Variants in RTN4 observed in about 807,000 individuals in gnomAD.
RTN4 encodes the protein reticulon 4, also known as reticulon-4.
In RTN4, 32 loss-of-function variants were observed where a neutral mutation model predicts 90.4. The ratio of observed to expected loss-of-function variants is 0.35; its 90% CI spans 0.27 to 0.48. The LOEUF (loss-of-function observed/expected upper bound fraction) is 0.48. Among genes scored for constraint, RTN4 ranks in the 20% least tolerant of loss-of-function variants. The pLI, the probability that RTN4 is intolerant of heterozygous loss-of-function variation, is 0.99. For synonymous variants in RTN4, 629 were observed against 552.5 expected (o/e 1.14, Z -1.94); for missense variants, 1,706 against 1,430.2 (o/e 1.19, Z -3.11).
intron 1 of RTN4, among the ~76,000 whole-genome samples, chr2:55,048,612 A>G (rs1573475228): frequency 6.6e-6 from 1 of 151,948 alleles, no homozygotes; most frequent in African/African-American, 2.4e-5. Context: ...CTCCATTACA[A>G]CCTTATGGAG....
intron 2 of RTN4, among the ~76,000 whole-genome samples, chr2:55,063,114 C>G (rs976969780): frequency 6.6e-6 from 1 of 152,180 alleles, no homozygotes; most frequent in Non-Finnish European, 1.5e-5. Context: ...GAAAAATGAA[C>G]TATCATTTTT....
intron 1 of RTN4, among the ~76,000 whole-genome samples, chr2:55,081,973 C>T (rs957714929): frequency 6.6e-6 from 1 of 151,692 alleles, no homozygotes; most frequent in African/African-American, 2.4e-5. Context: ...GCCTTACATA[C>T]TTCTGCTTTT....
At chr2:54,979,482 G>T (rs1677945355) in intron 5 of RTN4, among the ~76,000 whole-genome samples, 1 of 152,146 alleles carries the variant, frequency 6.6e-6, no homozygotes. Context: ...AAAAAGCAAA[G>T]TGATTTTTAT....
intron 1 of RTN4, among the ~76,000 whole-genome samples, chr2:55,044,982 G>C (rs1683325185): frequency 1.3e-5 from 2 of 152,108 alleles, no homozygotes; most frequent in South Asian, 4.1e-4. Context: ...TGACTTTCTT[G>C]TGTTTAGAAG....
At chr2:55,053,686 CA>C (rs1379336082), upstream of RTN4, among the ~76,000 whole-genome samples, 3 of 87,648 alleles carry the variant, frequency 3.4e-5, no homozygotes, top group South Asian at 9.5e-4. Flanking sequence ...AACTCCATCT[CA>C]AAAAAAAACA....
In RTN4 at chr2:55,027,097, T is replaced by C. The variant is rs1263108164; in HGVS notation, c.1002A>G (p.Leu334=). 4 of 1,613,268 alleles carry C rather than the reference T, an allele frequency of 2.5e-6. No homozygotes were observed. Among genetic ancestry groups the C allele is most frequent in the Middle Eastern group, 1.7e-4 (1 of 6,056 alleles). The change falls in exon 3 of 9, where the codon TTA becomes TTG. Residue 334 remains leucine, a synonymous_variant. Coordinates refer to ENST00000337526, the MANE Select transcript of RTN4 (RefSeq NM_020532.5). The stretch of plus-strand genomic sequence containing the variant: ...GATTATGAAGGATGTTATTACTAAC[T>C]AACTTCTCTTCTTCATCTTTATTTT... ...IVKNKDEEEK[L]VSNNILHNQQ...
chr2:54,979,308 T>G (rs905203038), intron 5 of RTN4, among the ~76,000 whole-genome samples: 1 of 152,264 alleles, frequency 6.6e-6, no homozygotes, highest in Non-Finnish European at 1.5e-5. Flanking sequence ...TCCTTCCGCC[T>G]TGGCCTCCCA....
Position 55,064,759 on chromosome 2 carries a change from G to A in RTN4, c.-63+15730C>T, listed in dbSNP as rs143172172. On this transcript the variant is annotated intron_variant, in intron 2 of 3. Transcript: ENST00000427710. ...TAAAAATGTTCATGAGTGAGAAATA[G>A]AGTTTTCTGGTTAATCTTTAGTTAA... is the stretch of plus-strand genomic sequence containing the variant. Among the ~76,000 whole-genome samples the A allele has an allele frequency of 1.1e-4, 17 of 152,194 alleles. No individual in the cohort carries two copies. The East Asian group carries it at 2.7e-3, about 24-fold the overall frequency.
intron 2 of RTN4, chr2:55,060,583 A>G (rs898008284): frequency 6.6e-6 from 1 of 152,252 alleles, no homozygotes; most frequent in African/African-American, 2.4e-5. Flanking sequence ...AATAGGCACA[A>G]TCCTTGCCCT....
chr2:55,119,949 T>C, the RTN4 span, among the ~76,000 whole-genome samples: 1 of 152,226 alleles, frequency 6.6e-6, no homozygotes, highest in Non-Finnish European at 1.5e-5. Context: ...AGGGTGAAGA[T>C]GGGATTCCCA....
chr2:55,061,098 C>G (rs1189171735), intron 2 of RTN4, among the ~76,000 whole-genome samples: 1 of 143,630 alleles, frequency 7.0e-6, no homozygotes, highest in African/African-American at 2.7e-5. Flanking sequence ...TAGAGTCTCA[C>G]TCTGTCACCC....
chr2:55,020,618 C>T (rs924393319), intron 3 of RTN4, among the ~76,000 whole-genome samples: 51 of 152,276 alleles, frequency 3.3e-4, no homozygotes, highest in African/African-American at 1.2e-3. Flanking sequence ...ATTAATAAAG[C>T]ACCATCTGCA....
chr2:55,095,510 AT>A (rs913316956), intron 1 of RTN4, among the ~76,000 whole-genome samples: 3 of 151,978 alleles, frequency 2.0e-5, no homozygotes, highest in Non-Finnish European at 2.9e-5. Flanking sequence ...CACTATTCAG[AT>A]TTTTTTCTTT....
intron 3 of RTN4, among the ~76,000 whole-genome samples, chr2:54,993,072 T>C (rs1356344846): frequency 1.2e-5 from 1 of 80,486 alleles, no homozygotes; most frequent in African/African-American, 8.5e-5. Context: ...AGACTCCATC[T>C]CGGAAAAAAA....
At chr2:55,078,227 C>A (rs1286374577) in intron 2 of RTN4, among the ~76,000 whole-genome samples, 1 of 151,946 alleles carries the variant, frequency 6.6e-6, no homozygotes, top group African/African-American at 2.4e-5. Context: ...ACAGTTTTAT[C>A]ATATTATTTT....
At chr2:54,986,400 C>A (rs1230386509) in intron 4 of RTN4, among the ~76,000 whole-genome samples, 1 of 152,214 alleles carries the variant, frequency 6.6e-6, no homozygotes, top group Non-Finnish European at 1.5e-5. Flanking sequence ...CTTAAAACTA[C>A]TGAATTCTGC....
chr2:54,996,089 G>T (rs565457021), intron 3 of RTN4, among the ~76,000 whole-genome samples: 1 of 152,140 alleles, frequency 6.6e-6, no homozygotes, highest in African/African-American at 2.4e-5. Context: ...ATCTGAAAAT[G>T]AATTAAATAA....
At chr2:55,022,993 G>A (rs1422873957) in intron 3 of RTN4, among the ~76,000 whole-genome samples, 1 of 150,234 alleles carries the variant, frequency 6.7e-6, no homozygotes, top group African/African-American at 2.4e-5. Flanking sequence ...CTATCATTCT[G>A]GCATGTATTT....
chr2:55,126,046 G>C, the RTN4 span, among the ~76,000 whole-genome samples: 4 of 135,920 alleles, frequency 2.9e-5, no homozygotes, highest in Admixed American at 8.1e-5. Flanking sequence ...GGGTGACAGA[G>C]CGAGACTCCG....
Sources: allele counts gnomAD v4.1 joint callset (sites outside exome capture counted in the v4.1 genomes callset), GRCh38; gene constraint gnomAD v4.1.1; transcripts MANE v1.5; gene names NCBI Gene and HGNC (gene_info 2026-07-23, HGNC 2026-07-21).